Variants in FRMD5 observed in about 807,000 individuals in gnomAD.
FRMD5 encodes the protein FERM domain containing 5, also known as FERM domain-containing protein 5.
Under a neutral mutation model 69.0 loss-of-function variants are expected in FRMD5, and 20 were observed. That is an observed-to-expected ratio of 0.29 (90% CI 0.20 to 0.42). The LOEUF (loss-of-function observed/expected upper bound fraction) is 0.42, where lower values mean the gene tolerates loss of function less well. FRMD5 is among the 10% of genes least tolerant of loss of function. The pLI is 1.00. For synonymous variants in FRMD5, 271 were observed against 260.1 expected, an observed-to-expected ratio of 1.04 and a Z score of -0.40; for missense variants, 595 against 708.6, an observed-to-expected ratio of 0.84 and a Z score of 1.82.
rs1385325445 is a variant in FRMD5 at position 43,876,262 on chromosome 15, G to A, written c.1136-1800C>T. 4 of 1,479,716 alleles carry A rather than the reference G, an allele frequency of 2.7e-6. No individual in the cohort carries two copies. The Admixed American group carries it at 7.8e-5, about 29-fold the overall frequency. The allele number at this position is 1,479,716 out of a possible 1,614,324, so 91.7% of individuals were successfully genotyped here. A position where few individuals can be genotyped will look rare whatever the true frequency, so the allele number is the denominator to read the frequency against. On this transcript the variant is annotated intron_variant, in intron 13 of 13. Coordinates refer to ENST00000417257, the MANE Select transcript of FRMD5 (RefSeq NM_032892.5). The stretch of plus-strand genomic sequence containing the variant: ...GGCGGCATCTTGGAAGCTTGTTGTT[G>A]AACTCTGAACTCTGGGCCTGGTTTT...
chr15:43,960,739 T>G (rs1021221072), intron 1 of FRMD5, among the ~76,000 whole-genome samples: 2 of 152,228 alleles, frequency 1.3e-5, no homozygotes, highest in African/African-American at 4.8e-5. Flanking sequence ...ACAGTTCTCC[T>G]TAGGTCTGTT....
chr15:43,994,039 C>T lies in FRMD5; in HGVS notation c.103-69730G>A, dbSNP rs112347135. 5.2e-3 allele frequency among the ~76,000 whole-genome samples: 798 copies of T among 152,286 alleles called. 5 individuals are homozygous for T. Among genetic ancestry groups the T allele is most frequent in the Non-Finnish European group, 9.1e-3 (618 of 68,014 alleles). Reference sequence around the variant, plus strand: ...TGTTTTTTAAATTAATTCAACCATTCCATGCCTTCTGATTAGAGAATTTAA... The same window carrying T: ...TGTTTTTTAAATTAATTCAACCATTTCATGCCTTCTGATTAGAGAATTTAA... On this transcript the variant is annotated intron_variant, in intron 1 of 13. Coordinates refer to ENST00000417257, the MANE Select transcript of FRMD5 (RefSeq NM_032892.5).
intron 13 of FRMD5, chr15:43,875,836 C>CTTTTTT: frequency 8.5e-5 from 12 of 140,908 alleles, no homozygotes; most frequent in Admixed American, 2.4e-4. Context: ...TTCTTTCAGT[C>CTTTTTT]TTTCATATGA....
intron 1 of FRMD5, among the ~76,000 whole-genome samples, chr15:43,979,616 A>G (rs2090517760): frequency 6.6e-6 from 1 of 152,374 alleles, no homozygotes; most frequent in East Asian, 1.9e-4. Context: ...CTGACCAAAA[A>G]GAAACATAGA....
chr15:44,165,604 G>C (rs1205576559), intron 1 of FRMD5, among the ~76,000 whole-genome samples: 3 of 152,178 alleles, frequency 2.0e-5, no homozygotes, highest in African/African-American at 4.8e-5. Flanking sequence ...GGGAGGCCAA[G>C]GTGGGTGGAT....
At chr15:44,039,659 C>G (rs1431241750) in intron 1 of FRMD5, among the ~76,000 whole-genome samples, 1 of 152,022 alleles carries the variant, frequency 6.6e-6, no homozygotes, top group African/African-American at 2.4e-5. Flanking sequence ...ACTCAGAGAC[C>G]CCATCTGAAG....
At position 43,871,187 on chromosome 15, in the gene FRMD5, C is replaced by G. The variant is rs530468940; in HGVS notation, c.*2698G>C. ...CACCAATCAAAGGAGGTTTATTATTCAAGCACTATTTGAAAAGCAAACTGA... is the reference window on the plus strand; with the variant it reads ...CACCAATCAAAGGAGGTTTATTATTGAAGCACTATTTGAAAAGCAAACTGA... On this transcript the variant is annotated 3_prime_UTR_variant, in exon 14 of 14. Transcript: ENST00000417257. 11 of 152,284 alleles carry G rather than the reference C, an allele frequency of 7.2e-5. No individual in the cohort carries two copies. Among genetic ancestry groups the G allele is most frequent in the Middle Eastern group, 3.4e-3 (1 of 294 alleles). 9.4% of individuals were successfully genotyped at this position (152,284 alleles called of 1,614,324 possible).
At chr15:43,886,247 G>T (rs1374682178) in intron 10 of FRMD5, among the ~76,000 whole-genome samples, 9 of 152,142 alleles carry the variant, frequency 5.9e-5, no homozygotes, top group Admixed American at 1.3e-4. Flanking sequence ...CTGGGTAATT[G>T]TGGGTGGAGA....
chr15:44,182,090 A>C (rs1193360676), intron 1 of FRMD5, among the ~76,000 whole-genome samples: 1 of 150,014 alleles, frequency 6.7e-6, no homozygotes, highest in Non-Finnish European at 1.5e-5. Context: ...GGCTCACTGC[A>C]ACCTCCATCT....
At chr15:43,974,885 G>A (rs537365866) in intron 1 of FRMD5, among the ~76,000 whole-genome samples, 13 of 152,302 alleles carry the variant, frequency 8.5e-5, no homozygotes, top group African/African-American at 2.9e-4. Flanking sequence ...CAGGTTCACA[G>A]AACACTGACT....
chr15:44,159,227 A>G (rs1275856805), intron 1 of FRMD5, among the ~76,000 whole-genome samples: 1 of 152,164 alleles, frequency 6.6e-6, no homozygotes. Context: ...ACTTAAAATG[A>G]TAAATTTTAT....
intron 1 of FRMD5, among the ~76,000 whole-genome samples, chr15:44,148,880 A>G (rs542992760): frequency 6.6e-6 from 1 of 152,326 alleles, no homozygotes; most frequent in Admixed American, 6.5e-5. Context: ...ACCTGTAAAT[A>G]CCTGGGCAAT....
chr15:44,155,121 G>A (rs989663139), intron 1 of FRMD5, among the ~76,000 whole-genome samples: 32 of 152,166 alleles, frequency 2.1e-4, no homozygotes, highest in African/African-American at 7.0e-4. Context: ...AGACAGTACA[G>A]CATACACACA....
intron 1 of FRMD5, among the ~76,000 whole-genome samples, chr15:44,190,571 T>A (rs1489895974): frequency 1.3e-5 from 2 of 152,230 alleles, no homozygotes; most frequent in African/African-American, 4.8e-5. Flanking sequence ...GGCACTCCAC[T>A]AATTCAACAA....
chr15:44,096,302 T>C (rs1489481819), intron 1 of FRMD5, among the ~76,000 whole-genome samples: 3 of 151,480 alleles, frequency 2.0e-5, no homozygotes, highest in Admixed American at 6.6e-5. Context: ...ACTTATGCTA[T>C]ATAAACACTA....
intron 1 of FRMD5, among the ~76,000 whole-genome samples, chr15:44,001,462 TA>T (rs1345596600): frequency 6.6e-6 from 1 of 152,040 alleles, no homozygotes; most frequent in African/African-American, 2.4e-5. Flanking sequence ...AGTGTCATAT[TA>T]AAAAAAGTAT....
Position 44,116,226 on chromosome 15 carries a change from TAG to T in FRMD5, c.102+78725_102+78726del, listed in dbSNP as rs568214784. On this transcript the variant is annotated intron_variant, in intron 1 of 13. Coordinates refer to ENST00000417257, the MANE Select transcript of FRMD5 (RefSeq NM_032892.5). The stretch of plus-strand genomic sequence containing the variant: ...TATAACTATATATATTATATATATA[TAG>T]AGAGAGAGAGAGAGGGAGAGTTTTG... Among the ~76,000 whole-genome samples, 1,247 of 148,230 alleles carry T rather than the reference TAG, an allele frequency of 8.4e-3. 6 individuals carry two copies. The highest frequency in any genetic ancestry group is 0.014 in the Non-Finnish European group (923 of 67,186).
At chr15:44,132,253 C>G (rs958625131) in intron 1 of FRMD5, among the ~76,000 whole-genome samples, 1 of 152,192 alleles carries the variant, frequency 6.6e-6, no homozygotes, top group Non-Finnish European at 1.5e-5. Context: ...ATCACTTGCT[C>G]GTCCACCACT....
At chr15:44,056,957 C>T (rs1892893925) in intron 1 of FRMD5, among the ~76,000 whole-genome samples, 1 of 152,172 alleles carries the variant, frequency 6.6e-6, no homozygotes, top group African/African-American at 2.4e-5. Context: ...CACTTCCAAA[C>T]TTGGATGAAA....
Sources: allele counts gnomAD v4.1 joint callset (sites outside exome capture counted in the v4.1 genomes callset), GRCh38; gene constraint gnomAD v4.1.1; transcripts MANE v1.5; gene names NCBI Gene and HGNC (gene_info 2026-07-23, HGNC 2026-07-21).